The following RRAS2 variants were observed in gnomAD, a reference collection of about 807,000 sequenced individuals.
The protein encoded by RRAS2 is ras-related protein R-Ras2.
In RRAS2, 7 loss-of-function variants were observed where a neutral mutation model predicts 27.6. The ratio of observed to expected loss-of-function variants is 0.25; its 90% confidence interval spans 0.14 to 0.48. The LOEUF (loss-of-function observed/expected upper bound fraction) is 0.48. RRAS2 is among the 20% of genes least tolerant of loss of function. The pLI is 0.99. For missense variants in RRAS2, 178 were observed against 256.2 expected (o/e 0.69, Z 2.08); for synonymous variants, 86 against 90.9 (o/e 0.95, Z 0.31).
chr11:14,280,970 CT>C (rs1403523905), intron 5 of RRAS2, among the ~76,000 whole-genome samples: 11 of 152,150 alleles, frequency 7.2e-5, no homozygotes, highest in Admixed American at 7.2e-4. Flanking sequence ...CCCGTTAACA[CT>C]TTTTAAACCA....
At chr11:14,328,981 AT>A (rs1237150675) in intron 1 of RRAS2, among the ~76,000 whole-genome samples, 1 of 115,276 alleles carries the variant, frequency 8.7e-6, no homozygotes, top group East Asian at 2.6e-4. Context: ...CAAATTTTAT[AT>A]ATATGTGTGT....
In RRAS2 at chr11:14,356,840, T is replaced by G. The variant is rs1245570037; in HGVS notation, c.108+1923A>C. 3 of 425,982 alleles carry G rather than the reference T, an allele frequency of 7.0e-6. No homozygotes were observed. The Admixed American group carries it at 8.0e-5, about 11-fold the overall frequency. The allele number at this position is 425,982 out of a possible 1,614,324, so 26.4% of individuals were successfully genotyped here. ...TTTTTGAGGCAGAGTCTCGCTCTGT[T>G]GCCCAGGCACAATCTCGGCTCACTA... On this transcript the variant is annotated intron_variant, in intron 1 of 5. Transcript: ENST00000256196.
At chr11:14,284,007 T>C (rs1421442348) in intron 4 of RRAS2, among the ~76,000 whole-genome samples, 1 of 152,186 alleles carries the variant, frequency 6.6e-6, no homozygotes, top group Non-Finnish European at 1.5e-5. Flanking sequence ...CCAGTTTTTC[T>C]TTCCTTTATG....
intron 1 of RRAS2, among the ~76,000 whole-genome samples, chr11:14,298,263 A>T (rs1308558441): frequency 2.6e-5 from 4 of 152,214 alleles, no homozygotes; most frequent in African/African-American, 9.6e-5. Context: ...GATGCCTAAA[A>T]GTGCTACACT....
intron 1 of RRAS2, among the ~76,000 whole-genome samples, chr11:14,332,429 G>A (rs1413291421): frequency 6.6e-6 from 1 of 152,178 alleles, no homozygotes; most frequent in East Asian, 1.9e-4. Flanking sequence ...TGAGCCTGGG[G>A]AGGTTGAGGC....
intron 2 of RRAS2, 80 bp from the exon 3 acceptor site, chr11:14,294,942 G>C (rs190917229): frequency 1.8e-6 from 2 of 1,129,258 alleles, no homozygotes; most frequent in South Asian, 1.3e-5. Context: ...ATTAATGTGA[G>C]TCCTCTAGAG....
chr11:14,363,940 C>T (rs1425578898), upstream of RRAS2, among the ~76,000 whole-genome samples: 1 of 150,174 alleles, frequency 6.7e-6, no homozygotes, highest in African/African-American at 2.5e-5. Context: ...CATGGTGGCA[C>T]ATGCCTGTAA....
intron 1 of RRAS2, among the ~76,000 whole-genome samples, chr11:14,345,032 G>A (rs1452516729): frequency 8.1e-6 from 1 of 123,200 alleles, no homozygotes; most frequent in East Asian, 2.7e-4. Flanking sequence ...CTGTCACCCA[G>A]ACTGGAGTGC....
At chr11:14,297,346 A>T (rs1554946787) in intron 1 of RRAS2, among the ~76,000 whole-genome samples, 4 of 152,152 alleles carry the variant, frequency 2.6e-5, no homozygotes. Flanking sequence ...CCAGAGAGCT[A>T]CTCAGAAACA....
chr11:14,286,335 G>A, intron 4 of RRAS2, among the ~76,000 whole-genome samples: 1 of 152,092 alleles, frequency 6.6e-6, no homozygotes. Context: ...ACATTCCTGA[G>A]CTTTCTTCTA....
chr11:14,362,229 A>T (rs1554956231), upstream of RRAS2, among the ~76,000 whole-genome samples: 1 of 152,202 alleles, frequency 6.6e-6, no homozygotes, highest in African/African-American at 2.4e-5. Flanking sequence ...TGTCTGTATT[A>T]TGTCTCAGTG....
intron 1 of RRAS2, among the ~76,000 whole-genome samples, chr11:14,327,559 C>A (rs1848388195): frequency 6.6e-6 from 1 of 152,176 alleles, no homozygotes; most frequent in Admixed American, 6.5e-5. Context: ...AGTAAACTTA[C>A]ATTGCCTGAG....
intron 1 of RRAS2, among the ~76,000 whole-genome samples, chr11:14,316,071 C>T (rs1380381708): frequency 6.6e-6 from 1 of 152,008 alleles, no homozygotes; most frequent in Non-Finnish European, 1.5e-5. Flanking sequence ...GCAGAAAGCC[C>T]AGATCAGAAA....
intron 1 of RRAS2, among the ~76,000 whole-genome samples, chr11:14,299,840 G>A (rs1168189416): frequency 2.0e-5 from 3 of 152,186 alleles, no homozygotes; most frequent in Non-Finnish European, 2.9e-5. Flanking sequence ...ACAGCATGAA[G>A]TGCCAATACC....
At chr11:14,345,751 G>GT (rs1455161636) in intron 1 of RRAS2, among the ~76,000 whole-genome samples, 1 of 152,072 alleles carries the variant, frequency 6.6e-6, no homozygotes, top group African/African-American at 2.4e-5. Flanking sequence ...AGATTTAGAG[G>GT]GTGTAGTAAA....
At chr11:14,340,627 A>G (rs781928722) in intron 1 of RRAS2, among the ~76,000 whole-genome samples, 11 of 152,192 alleles carry the variant, frequency 7.2e-5, no homozygotes, top group Non-Finnish European at 1.3e-4. Flanking sequence ...ATGCTTTTTC[A>G]AGTTCTCAAA....
At chr11:14,337,055 T>C (rs1311732884) in intron 1 of RRAS2, 1 of 152,200 alleles carries the variant, frequency 6.6e-6, no homozygotes, top group African/African-American at 2.4e-5. Context: ...TCAGAAGAAG[T>C]GGCACAGTAT....
In RRAS2 at chr11:14,278,731, T is replaced by G. The variant is rs748987757; in HGVS notation, c.*606A>C. On this transcript the variant is annotated 3_prime_UTR_variant, in exon 6 of 6. Transcript: ENST00000256196. ...CATAGAATATTATCATCTCCAAGAG[T>G]AGGAGTAGTAACACAGGGTTTTATA... 1 of 152,236 alleles carries G rather than the reference T, an allele frequency of 6.6e-6. No homozygotes were observed. The highest frequency in any genetic ancestry group is 2.4e-5 in the African/African-American group (1 of 41,370). 9.4% of individuals were successfully genotyped at this position (152,236 alleles called of 1,614,324 possible).
chr11:14,326,295 ATGC>A (rs1174297033), intron 1 of RRAS2, among the ~76,000 whole-genome samples: 2 of 152,222 alleles, frequency 1.3e-5, no homozygotes, highest in South Asian at 2.1e-4. Flanking sequence ...AGCTTTTAAA[ATGC>A]TGCTGCTATT....
Sources: allele counts gnomAD v4.1 joint callset (sites outside exome capture counted in the v4.1 genomes callset), GRCh38; gene constraint gnomAD v4.1.1; transcripts MANE v1.5; gene names NCBI Gene and HGNC (gene_info 2026-07-23, HGNC 2026-07-21).